AOPEP: variants seen among roughly 807,000 people sequenced by gnomAD.
AOPEP encodes the protein aminopeptidase O (putative).
A neutral mutation model predicts 98.1 loss-of-function variants in AOPEP; 77 were observed. The ratio of observed to expected loss-of-function variants is 0.78; its 90% CI spans 0.65 to 0.95. AOPEP has a LOEUF of 0.95. Among genes scored for constraint, AOPEP ranks in the 40% least tolerant of loss-of-function variants. The pLI is 0.00. For missense variants in AOPEP, 1,024 were observed against 1,024.7 expected (o/e 1.00, Z 0.01); for synonymous variants, 346 against 365.3 (o/e 0.95, Z 0.60).
At chr9:94,767,794 C>G (rs1405780688) in intron 2 of AOPEP, among the ~76,000 whole-genome samples, 1 of 152,192 alleles carries the variant, frequency 6.6e-6, no homozygotes, top group African/African-American at 2.4e-5. Flanking sequence ...TAAAATCTAT[C>G]TTTCTGAGTC....
chr9:94,790,019 G>A (rs1340334605), intron 3 of AOPEP, among the ~76,000 whole-genome samples: 3 of 144,628 alleles, frequency 2.1e-5, no homozygotes, highest in East Asian at 2.1e-4. Context: ...GACTACAGGC[G>A]CCCACCATCA....
chr9:94,960,904 CG>C (rs540534424), intron 9 of AOPEP, among the ~76,000 whole-genome samples: 33 of 151,014 alleles, frequency 2.2e-4, no homozygotes, highest in African/African-American at 7.8e-4. Flanking sequence ...CCCAGCTACT[CG>C]GGAGGCTGAG....
At position 94,887,165 on chromosome 9, in the gene AOPEP, A is replaced by AC. The variant is rs34250058; in HGVS notation, c.1365-36813dup. On this transcript the variant is annotated intron_variant, in intron 5 of 16. Transcript: ENST00000375315. The stretch of plus-strand genomic sequence containing the variant: ...AGACCAGCCTAGGAAACAAAGTGAG[A>AC]CCCCCCCCGTCTCTACAAAAAATTA... 4.4e-3 allele frequency among the ~76,000 whole-genome samples: 651 copies of AC among 147,334 alleles called. 36 individuals are homozygous for AC. The East Asian group carries it at 0.093, about 21-fold the overall frequency.
intron 9 of AOPEP, among the ~76,000 whole-genome samples, chr9:94,962,352 T>C (rs1312081522): frequency 6.6e-6 from 1 of 152,150 alleles, no homozygotes; most frequent in Non-Finnish European, 1.5e-5. Context: ...GATATTCCTA[T>C]TTTTTCCCAA....
At chr9:94,887,326 C>T (rs1413137347) in intron 5 of AOPEP, among the ~76,000 whole-genome samples, 16 of 151,828 alleles carry the variant, frequency 1.1e-4, no homozygotes, top group East Asian at 1.9e-4. Context: ...CCAGCCTAGG[C>T]GACAGAGCCA....
chr9:95,041,448 T>TGTGG (rs1257041846), intron 13 of AOPEP, among the ~76,000 whole-genome samples: 1 of 145,952 alleles, frequency 6.9e-6, no homozygotes. Flanking sequence ...TCCTTGGGGG[T>TGTGG]GTGTGTGTGT....
At chr9:95,028,181 G>T (rs1369481382) in intron 13 of AOPEP, among the ~76,000 whole-genome samples, 1 of 152,156 alleles carries the variant, frequency 6.6e-6, no homozygotes, top group Non-Finnish European at 1.5e-5. Context: ...ATTTTCTTAG[G>T]GTCTGATATC....
At chr9:94,837,691 A>T (rs527301396) in intron 5 of AOPEP, among the ~76,000 whole-genome samples, 1 of 152,204 alleles carries the variant, frequency 6.6e-6, no homozygotes, top group Non-Finnish European at 1.5e-5. Flanking sequence ...CAGAATAAGC[A>T]TTTGACAAAA....
At chr9:95,129,856 C>G in the AOPEP span, among the ~76,000 whole-genome samples, 1 of 152,164 alleles carries the variant, frequency 6.6e-6, no homozygotes, top group Admixed American at 6.5e-5. Flanking sequence ...TGCCCTCCCT[C>G]TTGTATAGAC....
the AOPEP span, among the ~76,000 whole-genome samples, chr9:95,137,969 T>G: frequency 6.6e-6 from 1 of 151,912 alleles, no homozygotes; most frequent in Non-Finnish European, 1.5e-5. Flanking sequence ...GTAACGGGAG[T>G]GATCCCAGGC....
At position 94,780,345 on chromosome 9, in the gene AOPEP, A is replaced by G. The variant is rs896461093; in HGVS notation, c.964+7177A>G. 2.0e-5 allele frequency among the ~76,000 whole-genome samples: 3 copies of G among 152,210 alleles called. No homozygotes were observed. In the South Asian group the frequency reaches 6.2e-4, roughly 31 times the overall value. On this transcript the variant is annotated intron_variant, in intron 3 of 16. Transcript: ENST00000375315. Reference sequence around the variant, plus strand: ...AAAACTTTTATAACCCCAGGAATATATCTGTGGACCTTTTTTTTTCCCCAA... The same window carrying G: ...AAAACTTTTATAACCCCAGGAATATGTCTGTGGACCTTTTTTTTTCCCCAA...
intron 9 of AOPEP, among the ~76,000 whole-genome samples, chr9:94,967,270 T>C (rs1390475659): frequency 6.6e-6 from 1 of 152,174 alleles, no homozygotes; most frequent in Non-Finnish European, 1.5e-5. Context: ...TTGTGAGCCA[T>C]GCTTGGAGTT....
At chr9:95,145,316 AG>A in the AOPEP span, 1 of 152,226 alleles carries the variant, frequency 6.6e-6, no homozygotes, top group African/African-American at 2.4e-5. Flanking sequence ...ACAAAACATT[AG>A]GAACAAGAAA....
chr9:94,751,646 C>G (rs542094256), intron 1 of AOPEP, among the ~76,000 whole-genome samples: 2 of 151,974 alleles, frequency 1.3e-5, no homozygotes, highest in Non-Finnish European at 2.9e-5. Flanking sequence ...ACCTCTCAAT[C>G]TTTAATCATC....
intron 5 of AOPEP, among the ~76,000 whole-genome samples, chr9:94,822,735 TG>T (rs879738124): frequency 6.6e-6 from 1 of 152,092 alleles, no homozygotes; most frequent in Non-Finnish European, 1.5e-5. Context: ...TGATAGGAAC[TG>T]TTTATCGAGC....
At chr9:94,856,728 A>G (rs2135327313) in intron 5 of AOPEP, among the ~76,000 whole-genome samples, 1 of 152,236 alleles carries the variant, frequency 6.6e-6, no homozygotes. Flanking sequence ...GTAAAAAGCA[A>G]TTTGGTTGAA....
chr9:95,130,670 G>A, the AOPEP span, among the ~76,000 whole-genome samples: 2 of 152,144 alleles, frequency 1.3e-5, no homozygotes, highest in Admixed American at 6.5e-5. Flanking sequence ...CCCAGCAGCC[G>A]GACAATCCCG....
intron 5 of AOPEP, among the ~76,000 whole-genome samples, chr9:94,857,254 T>C (rs1433119005): frequency 6.6e-6 from 1 of 152,214 alleles, no homozygotes; most frequent in Non-Finnish European, 1.5e-5. Context: ...ATAGAGTTCG[T>C]GTTATGTTCT....
intron 14 of AOPEP, among the ~76,000 whole-genome samples, chr9:95,062,421 C>T (rs746604514): frequency 6.6e-6 from 1 of 152,204 alleles, no homozygotes; most frequent in Admixed American, 6.5e-5. Context: ...CTGCCTCCAG[C>T]TGTTCCTGCT....
Sources: gnomAD v4.1 joint callset for allele counts (sites outside exome capture counted in the v4.1 genomes callset) on GRCh38, gnomAD v4.1.1 for gene constraint, MANE v1.5 for transcripts, NCBI Gene and HGNC (gene_info 2026-07-23, HGNC 2026-07-21) for gene names.